Variants in UBAC2 observed in about 807,000 individuals in gnomAD.
UBAC2 encodes the protein UBA domain containing 2, also known as ubiquitin-associated domain-containing protein 2.
Under a neutral mutation model 44.0 loss-of-function variants are expected in UBAC2, and 26 were observed. The ratio of observed to expected loss-of-function variants is 0.59; its 90% CI spans 0.43 to 0.82. The LOEUF is 0.82. Among genes scored for constraint, UBAC2 ranks in the 40% least tolerant of loss-of-function variants. The pLI is 0.00. For missense variants in UBAC2, 329 were observed against 419.4 expected (o/e 0.78, Z 1.88); for synonymous variants, 155 against 154.3 (o/e 1.00, Z -0.04).
intron 5 of UBAC2, chr13:99,314,978 T>G (rs1248826685): frequency 2.0e-5 from 3 of 152,228 alleles, no homozygotes; most frequent in African/African-American, 7.2e-5. Flanking sequence ...ATCCACTGAT[T>G]AATACTCATA....
At chr13:99,368,682 TGA>T (rs199687530) in intron 8 of UBAC2, among the ~76,000 whole-genome samples, 6 of 119,056 alleles carry the variant, frequency 5.0e-5, no homozygotes, top group African/African-American at 1.3e-4. Context: ...CGTAAACTCA[TGA>T]GAGAGTGTGT....
intron 8 of UBAC2, among the ~76,000 whole-genome samples, 153 bp from the exon 9 acceptor site, chr13:99,385,075 C>CT (rs2045602885): frequency 6.6e-6 from 1 of 152,212 alleles, no homozygotes; most frequent in Non-Finnish European, 1.5e-5. Context: ...CCTGGTATAA[C>CT]TTTTAAGTAT....
At chr13:99,309,757 C>A (rs1187606311) in intron 4 of UBAC2, among the ~76,000 whole-genome samples, 1 of 151,890 alleles carries the variant, frequency 6.6e-6, no homozygotes, top group African/African-American at 2.4e-5. Context: ...CATGCCACCA[C>A]GCCCAGCTAA....
At chr13:99,297,609 T>G (rs924843127) in intron 4 of UBAC2, among the ~76,000 whole-genome samples, 1 of 152,098 alleles carries the variant, frequency 6.6e-6, no homozygotes, top group Non-Finnish European at 1.5e-5. Flanking sequence ...TTAGTCATTA[T>G]AACCTAAATG....
chr13:99,301,411 C>T (rs1447705410), intron 4 of UBAC2, among the ~76,000 whole-genome samples: 1 of 152,150 alleles, frequency 6.6e-6, no homozygotes, highest in Non-Finnish European at 1.5e-5. Context: ...AGTACTTGGT[C>T]CTTTTAACTT....
At chr13:99,358,499 A>T (rs540129329) in intron 7 of UBAC2, among the ~76,000 whole-genome samples, 1 of 152,330 alleles carries the variant, frequency 6.6e-6, no homozygotes, top group South Asian at 2.1e-4. Context: ...TTGGGAAAAC[A>T]TGGTTATTTT....
At chr13:99,262,497 G>A (rs1356759454) in intron 4 of UBAC2, among the ~76,000 whole-genome samples, 1 of 152,114 alleles carries the variant, frequency 6.6e-6, no homozygotes. Flanking sequence ...GAGGTCAGGA[G>A]TTCGAGACTA....
chr13:99,319,471 C>T (rs1174479502), intron 6 of UBAC2, among the ~76,000 whole-genome samples: 1 of 152,120 alleles, frequency 6.6e-6, no homozygotes, highest in Non-Finnish European at 1.5e-5. Flanking sequence ...TCATCCTGTA[C>T]GCCTGCTTAC....
intron 8 of UBAC2, among the ~76,000 whole-genome samples, chr13:99,375,388 TG>T (rs1249164008): frequency 4.0e-5 from 6 of 151,562 alleles, no homozygotes; most frequent in African/African-American, 1.5e-4. Flanking sequence ...AGCATGGGGG[TG>T]GGCAGCTGGT....
intron 4 of UBAC2, chr13:99,255,553 A>G (rs1376770380): frequency 1.2e-5 from 19 of 1,614,080 alleles, no homozygotes; most frequent in Admixed American, 1.0e-4. Context: ...CCATAAAGCA[A>G]TGCTTGGGTA....
chr13:99,201,022 C>T (rs973652872), intron 1 of UBAC2, 83 bp downstream of exon 1: 1 of 1,295,850 alleles, frequency 7.7e-7, no homozygotes, highest in Non-Finnish European at 9.9e-7. Context: ...CAGCGGGGAC[C>T]CTCGGGTTTG....
chr13:99,309,872 A>C (rs1371277445), intron 4 of UBAC2, among the ~76,000 whole-genome samples: 1 of 152,220 alleles, frequency 6.6e-6, no homozygotes, highest in Non-Finnish European at 1.5e-5. Context: ...TTGGCTTCCC[A>C]AAGTGCTGGG....
chr13:99,256,799 C>G (rs1594057073), intron 4 of UBAC2, among the ~76,000 whole-genome samples: 1 of 152,070 alleles, frequency 6.6e-6, no homozygotes, highest in Non-Finnish European at 1.5e-5. Context: ...ACTTCATTCC[C>G]CCATGATGCA....
intron 8 of UBAC2, among the ~76,000 whole-genome samples, chr13:99,368,801 A>G (rs983580187): frequency 6.6e-6 from 1 of 152,008 alleles, no homozygotes; most frequent in African/African-American, 2.4e-5. Context: ...CCTACTGCCC[A>G]GATCTGGTTT....
chr13:99,290,584 G>A (rs796695226), intron 4 of UBAC2, among the ~76,000 whole-genome samples: 1 of 152,108 alleles, frequency 6.6e-6, no homozygotes, highest in African/African-American at 2.4e-5. Context: ...AATTAGCTGG[G>A]TGCAGTGGTG....
intron 4 of UBAC2, among the ~76,000 whole-genome samples, chr13:99,267,292 A>G (rs762672475): frequency 1.3e-5 from 2 of 151,862 alleles, no homozygotes; most frequent in Non-Finnish European, 2.9e-5. Context: ...ATTTGCAAAT[A>G]TTTTTTCTCT....
intron 6 of UBAC2, among the ~76,000 whole-genome samples, chr13:99,328,614 A>G (rs1324327757): frequency 6.6e-6 from 1 of 151,820 alleles, no homozygotes; most frequent in Non-Finnish European, 1.5e-5. Context: ...ATTTTTTTTC[A>G]TGTGCTTAGT....
At chr13:99,250,532 G>A (rs180785538) in intron 4 of UBAC2, among the ~76,000 whole-genome samples, 1 of 151,768 alleles carries the variant, frequency 6.6e-6, no homozygotes, top group East Asian at 1.9e-4. Context: ...TTTTCCCTTA[G>A]GATTGCTTTG....
chr13:99,238,594 A>AT, intron 2 of UBAC2, 40 bp downstream of exon 2: 1 of 1,466,068 alleles, frequency 6.8e-7, no homozygotes. Flanking sequence ...GAGAGCGGAC[A>AT]GTTTTTTTTT....
Sources: gnomAD v4.1 joint callset for allele counts (sites outside exome capture counted in the v4.1 genomes callset) on GRCh38, gnomAD v4.1.1 for gene constraint, MANE v1.5 for transcripts, NCBI Gene and HGNC (gene_info 2026-07-23, HGNC 2026-07-21) for gene names.